The following EPRS1 variants were observed in gnomAD, a reference collection of about 807,000 sequenced individuals.
EPRS1 encodes the protein bifunctional glutamate/proline--tRNA ligase.
A neutral mutation model predicts 188.3 loss-of-function variants in EPRS1; 107 were observed. That is an observed-to-expected ratio of 0.57 (90% confidence interval 0.49 to 0.67). The LOEUF (loss-of-function observed/expected upper bound fraction) is 0.67. Ranked by LOEUF, EPRS1 falls within the 30% of genes least tolerant of loss-of-function variation. The pLI, the probability that EPRS1 is intolerant of heterozygous loss-of-function variation, is 0.00. For synonymous variants in EPRS1, 596 were observed against 593.1 expected, an observed-to-expected ratio of 1.00 and a Z score of -0.07; for missense variants, 1,577 against 1,802.2, an observed-to-expected ratio of 0.88 and a Z score of 2.26.
intron 20 of EPRS1, among the ~76,000 whole-genome samples, 184 bp downstream of exon 20, chr1:219,986,958 A>C (rs1661018235): frequency 6.6e-6 from 1 of 152,182 alleles, no homozygotes; most frequent in Non-Finnish European, 1.5e-5. Context: ...TCTTGAACCA[A>C]ACAAACGTGT....
At chr1:220,009,381 T>C (rs1435091861) in intron 13 of EPRS1, among the ~76,000 whole-genome samples, 3 of 152,206 alleles carry the variant, frequency 2.0e-5, no homozygotes, top group Non-Finnish European at 2.9e-5. Context: ...TCTGTGAACG[T>C]AATTTTCAGT....
rs370560375 is a variant in EPRS1, at chr1:219,973,139, A to C, written c.4244+99T>G. 9.2e-4 allele frequency: 887 copies of C among 967,684 alleles called. 12 individuals carry two copies. The South Asian group carries it at 0.014, about 15-fold the overall frequency. The allele number at this position is 967,684 out of a possible 1,614,324, so 59.9% of individuals were successfully genotyped here. The stretch of plus-strand genomic sequence containing the variant: ...CATGGGGGTTCAGAGGGAGGGAACA[A>C]TTGCTTCCAATTGGGGCAACCCCAA... On this transcript the variant is annotated intron_variant, in intron 29 of 31. Coordinates refer to ENST00000366923, the MANE Select transcript of EPRS1 (RefSeq NM_004446.3).
At chr1:219,978,396 T>C (rs1660819139) in intron 28 of EPRS1, 150 bp downstream of exon 28, 1 of 566,910 alleles carries the variant, frequency 1.8e-6, no homozygotes, top group Admixed American at 3.7e-5. Flanking sequence ...ACTGTGTCAG[T>C]GCTCAACAGT....
chr1:220,024,541 A>C (rs1661936273), intron 7 of EPRS1, 85 bp from the exon 8 acceptor site: 2 of 833,048 alleles, frequency 2.4e-6, no homozygotes, highest in Non-Finnish European at 3.7e-6. Context: ...ATTTAAGCAA[A>C]TGTAACATAG....
chr1:219,987,549 G>C (rs1003344603), intron 19 of EPRS1, 145 bp from the exon 20 acceptor site: 1 of 660,432 alleles, frequency 1.5e-6, no homozygotes, highest in African/African-American at 1.8e-5. Flanking sequence ...GATAAGGTTT[G>C]AGGGAGGCAT....
chr1:220,014,254 G>C, intron 12 of EPRS1, among the ~76,000 whole-genome samples: 1 of 152,068 alleles, frequency 6.6e-6, no homozygotes, highest in Non-Finnish European at 1.5e-5. Flanking sequence ...CTTGAACCCA[G>C]GAGGCAGAGG....
chr1:220,005,207 TTTAAGCA>T (rs1290343979), intron 16 of EPRS1, 34 bp downstream of exon 16: 4 of 892,174 alleles, frequency 4.5e-6, no homozygotes, highest in African/African-American at 1.7e-5. Context: ...CTATAACAAC[TTTAAGCA>T]TTTTCATTTA....
intron 2 of EPRS1, among the ~76,000 whole-genome samples, 167 bp from the exon 3 acceptor site, chr1:220,035,180 C>A (rs1662154790): frequency 6.6e-6 from 1 of 152,166 alleles, no homozygotes; most frequent in South Asian, 2.1e-4. Context: ...GATGCAGTTT[C>A]ACTCTTGTTG....
intron 18 of EPRS1, among the ~76,000 whole-genome samples, chr1:219,990,570 C>CTAG (rs1661100949): frequency 6.6e-6 from 1 of 152,140 alleles, no homozygotes. Context: ...AGTAGTAGAG[C>CTAG]TAGTATTTGA....
chr1:219,969,395 G>A (rs2102556637), intron 30 of EPRS1: 1 of 371,864 alleles, frequency 2.7e-6, no homozygotes. Flanking sequence ...CCCATAAACT[G>A]GCTAAAACAC....
chr1:220,018,604 A>AAC, intron 11 of EPRS1, 96 bp from the exon 12 acceptor site: 1 of 824,954 alleles, frequency 1.2e-6, no homozygotes, highest in Non-Finnish European at 2.0e-6. Context: ...AAAAAAAAAA[A>AAC]CTCGATAAAT....
chr1:220,043,287 TC>T (rs1662334640), intron 1 of EPRS1, among the ~76,000 whole-genome samples: 1 of 152,060 alleles, frequency 6.6e-6, no homozygotes, highest in African/African-American at 2.4e-5. Context: ...AAGTTATAAT[TC>T]AATAAAACTA....
chr1:220,010,874 C>A, intron 13 of EPRS1, 72 bp downstream of exon 13: 2 of 827,568 alleles, frequency 2.4e-6, no homozygotes, highest in Non-Finnish European at 4.0e-6. Flanking sequence ...GCCATGAAAG[C>A]ACATTTTCCT....
At chr1:219,995,839 T>C (rs1226995022) in intron 18 of EPRS1, among the ~76,000 whole-genome samples, 2 of 152,140 alleles carry the variant, frequency 1.3e-5, no homozygotes, top group Non-Finnish European at 2.9e-5. Context: ...AACTTGTTGA[T>C]AAGGTGAAGA....
At chr1:219,979,994 A>G in intron 26 of EPRS1, 91 bp downstream of exon 26, 1 of 1,082,288 alleles carries the variant, frequency 9.2e-7, no homozygotes, top group Non-Finnish European at 1.3e-6. Flanking sequence ...ATTTTTTAAG[A>G]GTCTACTTCT....
intron 28 of EPRS1, among the ~76,000 whole-genome samples, chr1:219,975,742 T>G (rs1660763611): frequency 6.6e-6 from 1 of 152,186 alleles, no homozygotes; most frequent in South Asian, 2.1e-4. Context: ...AGGTCCACCC[T>G]ATGGTTTTTT....
Position 219,997,228 on chromosome 1 carries a change from C to T in EPRS1, c.2296G>A (p.Glu766Lys). The T allele has an allele frequency of 2.5e-6, 4 of 1,614,000 alleles. No individual in the cohort carries two copies. The highest frequency in any genetic ancestry group is 3.4e-6 in the Non-Finnish European group (4 of 1,179,956). ...TTTGGTGCTTTCTTGGCTTTTAATT[C>T]ACGAACCACATCTCCTTGAACAGCC... is the stretch of plus-strand genomic sequence containing the variant. ...RVAVQGDVVR[E>K]LKAKKAPKED... is the part of the protein sequence containing the mutation. The change falls in exon 18 of 32, where the codon GAA (glutamate) becomes AAA (lysine). Residue 766 changes from glutamate to lysine, a missense_variant. By Grantham distance (56) the Glu-to-Lys change is moderately conservative. Transcript: ENST00000366923.
chr1:220,038,665 A>C (rs570817359), intron 2 of EPRS1, among the ~76,000 whole-genome samples: 1 of 152,278 alleles, frequency 6.6e-6, no homozygotes, highest in African/African-American at 2.4e-5. Flanking sequence ...GGCTTGAGCC[A>C]CTGCGCCTGG....
intron 28 of EPRS1, among the ~76,000 whole-genome samples, chr1:219,977,635 GA>G (rs1331206475): frequency 2.0e-5 from 3 of 151,602 alleles, no homozygotes; most frequent in Admixed American, 6.6e-5. Flanking sequence ...AAATGACATG[GA>G]AAAAAAATCA....
Sources: allele counts gnomAD v4.1 joint callset (sites outside exome capture counted in the v4.1 genomes callset), GRCh38; gene constraint gnomAD v4.1.1; transcripts MANE v1.5; gene names NCBI Gene and HGNC (gene_info 2026-07-23, HGNC 2026-07-21).